The following PPARA variants were observed in gnomAD, a reference collection of about 807,000 sequenced individuals.
The protein encoded by PPARA is peroxisome proliferator-activated receptor alpha.
Under a neutral mutation model 42.2 loss-of-function variants are expected in PPARA, and 22 were observed. The ratio of observed to expected loss-of-function variants is 0.52; its 90% CI spans 0.37 to 0.74. The LOEUF (loss-of-function observed/expected upper bound fraction) is 0.74, where lower values mean the gene tolerates loss of function less well. Ranked by LOEUF, PPARA falls within the 30% of genes least tolerant of loss-of-function variation. The pLI, the probability that PPARA is intolerant of heterozygous loss-of-function variation, is 0.00. For synonymous variants in PPARA, 242 were observed against 239.3 expected, an observed-to-expected ratio of 1.01 and a Z score of -0.10; for missense variants, 465 against 608.2, an observed-to-expected ratio of 0.76 and a Z score of 2.48.
intron 3 of PPARA, among the ~76,000 whole-genome samples, chr22:46,177,482 A>G (rs1234554142): frequency 6.7e-6 from 1 of 150,222 alleles, no homozygotes; most frequent in Non-Finnish European, 1.5e-5. Context: ...AAAAAAAAAA[A>G]TCGATAGTAT....
chr22:46,158,311 G>A (rs574968573), intron 2 of PPARA, among the ~76,000 whole-genome samples: 30 of 152,262 alleles, frequency 2.0e-4, no homozygotes, highest in African/African-American at 4.8e-4. Context: ...GGAGGCTGAG[G>A]CAGGAAAATT....
In PPARA at chr22:46,163,510, T is replaced by G. The variant is rs1926535275; in HGVS notation, c.-127+11540T>G. 6.6e-6 allele frequency: 1 copy of G among 152,264 alleles called. No homozygotes were observed. The highest frequency in any genetic ancestry group is 1.5e-5 in the Non-Finnish European group (1 of 68,052). The allele number at this position is 152,264 out of a possible 1,614,324, so 9.4% of individuals were successfully genotyped here. On this transcript the variant is annotated intron_variant, in intron 2 of 8. Coordinates refer to ENST00000407236, the MANE Select transcript of PPARA (RefSeq NM_005036.6). The surrounding 1 kb of genome is among the most constrained non-coding windows in gnomAD (Gnocchi z 4.9). ...TGCTCACGATTTCACCACAGTCACA[T>G]AAGCGGGAAGAGCAGGCTCCTGGCT...
In PPARA at chr22:46,225,640, C is replaced by A. The variant is rs1208231744; in HGVS notation, c.711+5626C>A. Among the ~76,000 whole-genome samples the A allele has an allele frequency of 1.3e-5, 2 of 151,352 alleles. No individual in the cohort carries two copies. Among genetic ancestry groups the A allele is most frequent in the Non-Finnish European group, 3.0e-5 (2 of 67,774 alleles). On this transcript the variant is annotated intron_variant, in intron 7 of 8. Transcript: ENST00000407236. This position sits in a 1 kb window ranked among gnomAD's most constrained non-coding sequence, Gnocchi z 4.1. ...GCATGTGTACACAAACACACCCACA[C>A]ATACACATGCACCCACACGTGTACA...
rs1555959311 is a variant in PPARA, at chr22:46,226,000, CAT to C, written c.712-5790_712-5789del. 3.3e-5 allele frequency among the ~76,000 whole-genome samples: 5 copies of C among 151,758 alleles called. No individual in the cohort carries two copies. Among genetic ancestry groups the C allele is most frequent in the African/African-American group, 1.2e-4 (5 of 41,188 alleles). ...ACAGTCACACACATGCATACACACA[CAT>C]ACAAACACATGCATTCACACAGATG... On this transcript the variant is annotated intron_variant, in intron 7 of 8. Transcript: ENST00000407236. This position sits in a 1 kb window ranked among gnomAD's most constrained non-coding sequence, Gnocchi z 4.1.
chr22:46,214,202 G>A (rs1934213986), intron 4 of PPARA, among the ~76,000 whole-genome samples: 1 of 152,224 alleles, frequency 6.6e-6, no homozygotes, highest in Non-Finnish European at 1.5e-5. Flanking sequence ...CGGGGGCATG[G>A]GGAGTCCTGC....
chr22:46,185,446 C>G (rs934906881), intron 3 of PPARA, among the ~76,000 whole-genome samples: 6 of 152,134 alleles, frequency 3.9e-5, no homozygotes, highest in Admixed American at 3.9e-4. Context: ...TTTTAAAACT[C>G]TGTGGTTGAC....
rs1179994881 is a variant in PPARA at position 46,234,440 on chromosome 22, A to C, written c.1160-693A>C. Among the ~76,000 whole-genome samples the C allele has an allele frequency of 6.6e-6, 1 of 152,156 alleles. No individual in the cohort carries two copies. The highest frequency in any genetic ancestry group is 1.5e-5 in the Non-Finnish European group (1 of 68,028). On this transcript the variant is annotated intron_variant, in intron 8 of 8. Coordinates refer to ENST00000407236, the MANE Select transcript of PPARA (RefSeq NM_005036.6). This position sits in a 1 kb window ranked among gnomAD's most constrained non-coding sequence, Gnocchi z 5.8. ...TTTTCTGGACCAAGAATCAGGTCTC[A>C]TGCTTTGAGACTGTCCCAGGATGTC...
Position 46,235,942 on chromosome 22 carries a change from A to G in PPARA, c.*562A>G, listed in dbSNP as rs1409184543. The G allele has an allele frequency of 6.1e-6, 1 of 164,798 alleles. No individual in the cohort carries two copies. The highest frequency in any genetic ancestry group is 2.4e-5 in the African/African-American group (1 of 41,554). The allele number at this position is 164,798 out of a possible 1,614,324, so 10.2% of individuals were successfully genotyped here. The stretch of plus-strand genomic sequence containing the variant: ...CAACATGCTGCTTTTTAATCATAGG[A>G]TGGAGAATTTTAAAGAACTGTTTGG... On this transcript the variant is annotated 3_prime_UTR_variant, in exon 9 of 9. Transcript: ENST00000407236. This position sits in a 1 kb window ranked among gnomAD's most constrained non-coding sequence, Gnocchi z 7.0.
intron 1 of PPARA, chr22:46,151,292 G>A (rs1483375285): frequency 2.0e-5 from 3 of 152,238 alleles, no homozygotes; most frequent in African/African-American, 4.8e-5. Flanking sequence ...GGGCGACCCC[G>A]GACAGGCTGC....
rs1458309788 is a variant in PPARA, at chr22:46,162,471, T to G, written c.-127+10501T>G. Among the ~76,000 whole-genome samples the G allele has an allele frequency of 6.6e-6, 1 of 152,182 alleles. No individual in the cohort carries two copies. The highest frequency in any genetic ancestry group is 6.5e-5 in the Admixed American group (1 of 15,272). On this transcript the variant is annotated intron_variant, in intron 2 of 8. Coordinates refer to ENST00000407236, the MANE Select transcript of PPARA (RefSeq NM_005036.6). The surrounding 1 kb of genome is among the most constrained non-coding windows in gnomAD (Gnocchi z 6.0). Reference sequence around the variant, plus strand: ...GACCTCTACCTTTGAGACCTCAGCTTAAACTCACTCTTAGGGAAGGCTCCC... The same window carrying G: ...GACCTCTACCTTTGAGACCTCAGCTGAAACTCACTCTTAGGGAAGGCTCCC...
intron 2 of PPARA, among the ~76,000 whole-genome samples, chr22:46,157,822 C>T (rs1437937725): frequency 6.6e-6 from 1 of 152,104 alleles, no homozygotes; most frequent in Admixed American, 6.5e-5. Flanking sequence ...CGTCTGTGTT[C>T]CAGGAGGCAG....
At chr22:46,186,426 C>T (rs548338891) in intron 3 of PPARA, among the ~76,000 whole-genome samples, 1 of 152,056 alleles carries the variant, frequency 6.6e-6, no homozygotes, top group Non-Finnish European at 1.5e-5. Flanking sequence ...GAAGACCAGC[C>T]GGGCAGAGAG....
chr22:46,185,919 ATATATATATAT>A (rs1569207711), intron 3 of PPARA, among the ~76,000 whole-genome samples: 4 of 9,782 alleles, frequency 4.1e-4, no homozygotes, highest in African/African-American at 1.5e-3. Flanking sequence ...AAAAAAAAAT[ATATATATATAT>A]ATATATATAT....
In PPARA at chr22:46,225,238, A is replaced by G. The variant is rs1601806032; in HGVS notation, c.711+5224A>G. Among the ~76,000 whole-genome samples, 1 of 152,108 alleles carries G rather than the reference A, an allele frequency of 6.6e-6. No individual in the cohort carries two copies. The highest frequency in any genetic ancestry group is 1.9e-4 in the East Asian group (1 of 5,186). ...AGATTTCAGAACCGTGGGCCAGAAA[A>G]TGGTCAGGGCCCTTGGTGATGGGGA... On this transcript the variant is annotated intron_variant, in intron 7 of 8. Coordinates refer to ENST00000407236, the MANE Select transcript of PPARA (RefSeq NM_005036.6). This position sits in a 1 kb window ranked among gnomAD's most constrained non-coding sequence, Gnocchi z 4.1.
rs188317088 is a variant in PPARA, at chr22:46,191,990, G to A, written c.-42-6352G>A. 9.9e-5 allele frequency among the ~76,000 whole-genome samples: 15 copies of A among 152,270 alleles called. No individual in the cohort carries two copies. Among genetic ancestry groups the A allele is most frequent in the Admixed American group, 2.6e-4 (4 of 15,284 alleles). Reference sequence around the variant, plus strand: ...TGAGGCAGGAGAATCACTTGAACCCGTGAAACGGAAGTTGCGGTGAGCCGA... The same window carrying A: ...TGAGGCAGGAGAATCACTTGAACCCATGAAACGGAAGTTGCGGTGAGCCGA... On this transcript the variant is annotated intron_variant, in intron 3 of 8. Transcript: ENST00000407236. The surrounding 1 kb of genome is among the most constrained non-coding windows in gnomAD (Gnocchi z 4.6).
intron 7 of PPARA, among the ~76,000 whole-genome samples, chr22:46,228,580 G>C (rs932885856): frequency 6.6e-6 from 1 of 151,986 alleles, no homozygotes; most frequent in Non-Finnish European, 1.5e-5. Context: ...TTTTGCTCTG[G>C]GTCCTGTAAA....
At position 46,218,260 on chromosome 22, in the gene PPARA, C is replaced by T. The variant is rs1186814145; in HGVS notation, c.370-3C>T. Reference sequence around the variant, plus strand: ...TTAAATCCACTGTGTATTACCCTCACAGGGCTTCTTTCGGCGAACGATTCG... The same window carrying T: ...TTAAATCCACTGTGTATTACCCTCATAGGGCTTCTTTCGGCGAACGATTCG... On this transcript the variant is annotated splice_polypyrimidine_tract_variant and splice_region_variant and intron_variant, in intron 5 of 8. Transcript: ENST00000407236. 18 of 1,614,130 alleles carry T rather than the reference C, an allele frequency of 1.1e-5. No homozygotes were observed. The highest frequency in any genetic ancestry group is 1.5e-5 in the Non-Finnish European group (18 of 1,180,020).
In PPARA at chr22:46,195,775, C is replaced by T. The variant is rs951924065; in HGVS notation, c.-42-2567C>T. 6.6e-6 allele frequency among the ~76,000 whole-genome samples: 1 copy of T among 152,160 alleles called. No homozygotes were observed. The highest frequency in any genetic ancestry group is 1.5e-5 in the Non-Finnish European group (1 of 68,040). On this transcript the variant is annotated intron_variant, in intron 3 of 8. Transcript: ENST00000407236. The surrounding 1 kb of genome is among the most constrained non-coding windows in gnomAD (Gnocchi z 4.6). ...TAATCACCATGTGATGACGGCTGCC[C>T]TGACAGTGGCTGGTAGCAGCACATA...
chr22:46,243,756 T>A (rs1936440300), downstream of PPARA: 1 of 152,150 alleles, frequency 6.6e-6, no homozygotes, highest in African/African-American at 2.4e-5. This position sits in a 1 kb window ranked among gnomAD's most constrained non-coding sequence, Gnocchi z 5.0. Flanking sequence ...TTTAAAATTT[T>A]TTGGTGAGTT....
Sources: allele counts gnomAD v4.1 joint callset (sites outside exome capture counted in the v4.1 genomes callset), GRCh38; gene constraint gnomAD v4.1.1; non-coding constraint Gnocchi (gnomAD v3.1); transcripts MANE v1.5; gene names NCBI Gene and HGNC (gene_info 2026-07-23, HGNC 2026-07-21).